Variants in ASTN2 observed in about 807,000 individuals in gnomAD.
ASTN2 encodes the protein astrotactin 2.
A neutral mutation model predicts 139.8 loss-of-function variants in ASTN2; 54 were observed. That is an observed-to-expected ratio of 0.39 (90% CI 0.31 to 0.48). The LOEUF is 0.48. ASTN2 is among the 20% of genes least tolerant of loss of function. The pLI is 0.95. For synonymous variants in ASTN2, 756 were observed against 719.5 expected (o/e 1.05, Z -0.81); for missense variants, 1,565 against 1,725.1 (o/e 0.91, Z 1.64).
At chr9:117,408,589 A>C in intron 1 of ASTN2, among the ~76,000 whole-genome samples, 1 of 152,192 alleles carries the variant, frequency 6.6e-6, no homozygotes, top group East Asian at 1.9e-4. Flanking sequence ...GGCCTAGTCA[A>C]TCCTCCTGCT....
At chr9:117,343,520 G>C (rs749575335) in intron 1 of ASTN2, among the ~76,000 whole-genome samples, 1 of 152,094 alleles carries the variant, frequency 6.6e-6, no homozygotes, top group Non-Finnish European at 1.5e-5. Context: ...CCAAGACTCA[G>C]GCATTGTGAT....
At chr9:116,749,349 A>G (rs1363065175) in intron 13 of ASTN2, among the ~76,000 whole-genome samples, 1 of 152,176 alleles carries the variant, frequency 6.6e-6, no homozygotes, top group East Asian at 1.9e-4. Flanking sequence ...CCCTGACAGC[A>G]TGCACAATTT....
At chr9:116,776,987 G>A (rs12236431) in intron 13 of ASTN2, among the ~76,000 whole-genome samples, 3,781 of 152,258 alleles carry the variant, frequency 0.025, 129 homozygotes, top group East Asian at 0.082. Context: ...ACATCGTAAA[G>A]GTTCTGGATT....
Position 117,115,544 on chromosome 9 carries a change from A to G in ASTN2, c.1169-19393T>C, listed in dbSNP as rs1034694566. ...TCTCAGAAAAACAAAACAAAACAAAATATCTATTCTATACTATGGTCACAA... is the reference window on the plus strand; with the variant it reads ...TCTCAGAAAAACAAAACAAAACAAAGTATCTATTCTATACTATGGTCACAA... On this transcript the variant is annotated intron_variant, in intron 4 of 22. Coordinates refer to ENST00000313400, the MANE Select transcript of ASTN2 (RefSeq NM_001365068.1). 9.9e-4 allele frequency among the ~76,000 whole-genome samples: 150 copies of G among 152,156 alleles called. 14 individuals carry two copies.
Position 117,005,929 on chromosome 9 carries a change from G to A in ASTN2, c.1591+2163C>T, listed in dbSNP as rs548794107. Among the ~76,000 whole-genome samples the A allele has an allele frequency of 3.1e-4, 47 of 152,184 alleles. No homozygotes were observed. The South Asian group carries it at 9.1e-3, about 30-fold the overall frequency. On this transcript the variant is annotated intron_variant, in intron 7 of 22. Coordinates refer to ENST00000313400, the MANE Select transcript of ASTN2 (RefSeq NM_001365068.1). ...TTTGAAGAAGCAGGGGCTATCCTAG[G>A]CCCTGGATGTTGGGGAGAACACAAG... is the stretch of plus-strand genomic sequence containing the variant.
At chr9:117,174,717 A>G (rs940283450) in intron 3 of ASTN2, among the ~76,000 whole-genome samples, 2 of 152,032 alleles carry the variant, frequency 1.3e-5, no homozygotes, top group East Asian at 1.9e-4. Context: ...TGATGCTGAA[A>G]GAGTATTTAA....
chr9:116,582,250 T>C (rs966526385), intron 19 of ASTN2: 7 of 152,242 alleles, frequency 4.6e-5, no homozygotes, highest in Admixed American at 4.6e-4. Context: ...CGGAGTGATC[T>C]ACATGGACTA....
chr9:117,319,098 T>A (rs1011483302), intron 1 of ASTN2, among the ~76,000 whole-genome samples: 1 of 152,218 alleles, frequency 6.6e-6, no homozygotes, highest in African/African-American at 2.4e-5. Flanking sequence ...TCCGATAAGA[T>A]TGAAGTAATC....
rs1406566786 is a variant in ASTN2 at position 116,865,417 on chromosome 9, C to G, written c.1890-1684G>C. 7.4e-5 allele frequency among the ~76,000 whole-genome samples: 5 copies of G among 67,920 alleles called. No homozygotes were observed. The East Asian group carries it at 1.9e-3, about 26-fold the overall frequency. 44.6% of individuals were successfully genotyped at this position (67,920 alleles called of 152,430 possible). A position where few individuals can be genotyped will look rare whatever the true frequency, so the allele number is the denominator to read the frequency against. ...GCTACAGTGAGCCATGATCAAAACA[C>G]TGTCTCAAAAAAAAAAAAAAAAAAA... On this transcript the variant is annotated intron_variant, in intron 10 of 22. Coordinates refer to ENST00000313400, the MANE Select transcript of ASTN2 (RefSeq NM_001365068.1).
At chr9:116,827,312 CCAAAA>C (rs1444657977) in intron 11 of ASTN2, among the ~76,000 whole-genome samples, 1 of 77,314 alleles carries the variant, frequency 1.3e-5, no homozygotes, top group African/African-American at 5.2e-5. Context: ...TCCATCCCCC[CCAAAA>C]AAAAAAAAAA....
At chr9:117,218,982 G>A (rs989798314) in intron 2 of ASTN2, among the ~76,000 whole-genome samples, 3 of 152,168 alleles carry the variant, frequency 2.0e-5, no homozygotes, top group African/African-American at 7.2e-5. Context: ...AGTGATAGGA[G>A]AAAATCTTCA....
intron 11 of ASTN2, among the ~76,000 whole-genome samples, chr9:116,825,826 T>C (rs1204406782): frequency 6.6e-6 from 1 of 152,158 alleles, no homozygotes; most frequent in East Asian, 1.9e-4. Context: ...AGAACCCAAA[T>C]AAAATCCCAC....
At chr9:117,400,105 A>G (rs532478520) in intron 1 of ASTN2, among the ~76,000 whole-genome samples, 8 of 152,294 alleles carry the variant, frequency 5.3e-5, no homozygotes, top group African/African-American at 1.9e-4. Flanking sequence ...ATGCAGCCCA[A>G]TCTTCCCCTG....
At chr9:117,205,731 A>T (rs1831897614) in intron 3 of ASTN2, among the ~76,000 whole-genome samples, 1 of 152,208 alleles carries the variant, frequency 6.6e-6, no homozygotes, top group Admixed American at 6.5e-5. Flanking sequence ...GGCTTTCTTT[A>T]GGCTCTCAAA....
intron 6 of ASTN2, among the ~76,000 whole-genome samples, chr9:117,028,026 A>T (rs182504364): frequency 6.6e-6 from 1 of 151,414 alleles, no homozygotes. Flanking sequence ...AGGATTTAAG[A>T]TTCCAAATCC....
chr9:116,818,602 T>C (rs1031288622), intron 12 of ASTN2, among the ~76,000 whole-genome samples: 7 of 152,220 alleles, frequency 4.6e-5, no homozygotes, highest in African/African-American at 1.7e-4. Flanking sequence ...CACAGTCCTT[T>C]CACAATATAT....
intron 10 of ASTN2, among the ~76,000 whole-genome samples, chr9:116,912,185 G>A (rs1455435740): frequency 6.6e-6 from 1 of 152,268 alleles, no homozygotes; most frequent in Non-Finnish European, 1.5e-5. Flanking sequence ...GCACAGTGGA[G>A]AGAGATTGCT....
At chr9:117,179,553 A>G (rs1831004381) in intron 3 of ASTN2, among the ~76,000 whole-genome samples, 2 of 152,172 alleles carry the variant, frequency 1.3e-5, no homozygotes, top group South Asian at 4.1e-4. Context: ...GGCTCCTAAA[A>G]GGAAGTCTCT....
intron 10 of ASTN2, among the ~76,000 whole-genome samples, chr9:116,879,744 G>T (rs975066683): frequency 8.5e-5 from 13 of 152,132 alleles, no homozygotes; most frequent in African/African-American, 2.9e-4. Flanking sequence ...CCATAACGAA[G>T]ATCAATACAC....
Sources: gnomAD v4.1 joint callset for allele counts (sites outside exome capture counted in the v4.1 genomes callset) on GRCh38, gnomAD v4.1.1 for gene constraint, MANE v1.5 for transcripts, NCBI Gene and HGNC (gene_info 2026-07-23, HGNC 2026-07-21) for gene names.